ATP10B: variants seen among roughly 807,000 people sequenced by gnomAD.
ATP10B encodes ATPase phospholipid transporting 10B (putative), also known as phospholipid-transporting ATPase VB.
Under a neutral mutation model 141.2 loss-of-function variants are expected in ATP10B, and 122 were observed. That is an observed-to-expected ratio of 0.86 (90% CI 0.75 to 1.00). The LOEUF (loss-of-function observed/expected upper bound fraction) is 1.00, where lower values mean the gene tolerates loss of function less well. ATP10B is among the 50% of genes least tolerant of loss of function. The probability of loss-of-function intolerance (pLI) is 0.00; values close to 1 mark genes in which losing one functional copy is unlikely to be tolerated. For missense variants in ATP10B, 1,876 were observed against 1,825.3 expected (o/e 1.03, Z -0.51); for synonymous variants, 685 against 692.0 (o/e 0.99, Z 0.16).
intron 1 of ATP10B, among the ~76,000 whole-genome samples, chr5:160,822,341 T>G (rs1774172871): frequency 6.6e-6 from 1 of 152,020 alleles, no homozygotes; most frequent in Admixed American, 6.6e-5. Flanking sequence ...TAAAATGGCT[T>G]TTAACCAAAA....
chr5:160,815,796 A>G (rs1167118026), intron 1 of ATP10B, among the ~76,000 whole-genome samples: 3 of 152,218 alleles, frequency 2.0e-5, no homozygotes, highest in Admixed American at 6.5e-5. Context: ...AAAGAACAGA[A>G]ATTATAACAA....
the ATP10B span, among the ~76,000 whole-genome samples, chr5:160,880,201 T>C: frequency 8.9e-6 from 1 of 112,412 alleles, no homozygotes; most frequent in Non-Finnish European, 1.9e-5. Flanking sequence ...TATATATAGA[T>C]TATATAATAT....
At chr5:160,715,950 C>T (rs542641715) in intron 3 of ATP10B, among the ~76,000 whole-genome samples, 18 of 152,154 alleles carry the variant, frequency 1.2e-4, no homozygotes, top group African/African-American at 4.3e-4. Flanking sequence ...ACCTCGTGAT[C>T]CACTCTCCTG....
At chr5:160,637,041 A>C (rs111207989) in intron 10 of ATP10B, among the ~76,000 whole-genome samples, 38,050 of 52,414 alleles carry the variant, frequency 0.73, 13,897 homozygotes, top group African/African-American at 0.77. Context: ...TCCATCCATG[A>C]ATCCATCCAT....
chr5:160,909,080 G>A, the ATP10B span, among the ~76,000 whole-genome samples: 4 of 152,120 alleles, frequency 2.6e-5, no homozygotes, highest in Admixed American at 2.6e-4. Context: ...ACCTTAAGTG[G>A]CCTATGATTT....
chr5:160,889,364 C>T, the ATP10B span, among the ~76,000 whole-genome samples: 1 of 152,280 alleles, frequency 6.6e-6, no homozygotes, highest in East Asian at 1.9e-4. Flanking sequence ...TGCAAAAGAA[C>T]CAGCTGTTGT....
intron 14 of ATP10B, among the ~76,000 whole-genome samples, chr5:160,621,821 C>G (rs1427888116): frequency 2.0e-5 from 3 of 152,180 alleles, no homozygotes; most frequent in Non-Finnish European, 1.5e-5. Context: ...ACATACATGA[C>G]CATTCAGCTG....
At chr5:160,604,756 C>T (rs1007158283) in intron 19 of ATP10B, among the ~76,000 whole-genome samples, 2 of 152,174 alleles carry the variant, frequency 1.3e-5, no homozygotes, top group Non-Finnish European at 1.5e-5. Flanking sequence ...TATACCAAGA[C>T]TGTTCAAGAT....
intron 2 of ATP10B, among the ~76,000 whole-genome samples, chr5:160,740,462 G>A (rs540891441): frequency 6.6e-6 from 1 of 152,220 alleles, no homozygotes; most frequent in South Asian, 2.1e-4. Flanking sequence ...CCAAATGTGG[G>A]GTTAGCTTGC....
rs1757425382 is a variant in ATP10B, at chr5:160,606,900, C to T, written c.3025G>A (p.Gly1009Arg). The T allele has an allele frequency of 1.2e-6, 2 of 1,614,040 alleles. No homozygotes were observed. Among genetic ancestry groups the T allele is most frequent in the Non-Finnish European group, 8.5e-7 (1 of 1,180,014 alleles). ...TCCAGAAACTTCTTCTCTAGCTTTCCCTGGAAGATGGCATTCAATGTCTTC... is the reference window on the plus strand; with the variant it reads ...TCCAGAAACTTCTTCTCTAGCTTTCTCTGGAAGATGGCATTCAATGTCTTC... The part of the protein sequence containing the change: ...DGKTLNAIFQ[G>R]KLEKKFLELT... The change falls in exon 19 of 26, where the codon GGA (glycine) becomes AGA (arginine). Residue 1009 changes from glycine to arginine, a missense_variant. Physicochemically the swap from Gly to Arg is moderately radical, Grantham distance 125 (BLOSUM62 -2). Coordinates refer to ENST00000327245, the MANE Select transcript of ATP10B (RefSeq NM_025153.3).
At chr5:160,803,507 C>T (rs1455287661) in intron 1 of ATP10B, among the ~76,000 whole-genome samples, 1 of 152,006 alleles carries the variant, frequency 6.6e-6, no homozygotes, top group Non-Finnish European at 1.5e-5. Flanking sequence ...GAAACCCCGT[C>T]CCTACTAAAA....
chr5:160,611,632 TAA>T (rs1046089372), intron 18 of ATP10B, among the ~76,000 whole-genome samples: 13 of 152,186 alleles, frequency 8.5e-5, no homozygotes, highest in African/African-American at 3.1e-4. Flanking sequence ...GTTTTATTTT[TAA>T]AAAAGAGGTG....
chr5:160,832,405 A>G (rs1775152301), intron 1 of ATP10B, among the ~76,000 whole-genome samples: 1 of 152,178 alleles, frequency 6.6e-6, no homozygotes, highest in South Asian at 2.1e-4. Flanking sequence ...TTTTATATGT[A>G]CTAATAGGGA....
At chr5:160,916,819 G>A in the ATP10B span, among the ~76,000 whole-genome samples, 1,221 of 152,288 alleles carry the variant, frequency 8.0e-3, 15 homozygotes, top group African/African-American at 0.028. Flanking sequence ...GGCTGGCACA[G>A]TTTAGAAAGC....
intron 2 of ATP10B, among the ~76,000 whole-genome samples, chr5:160,776,251 GAATT>G (rs1770302481): frequency 6.6e-6 from 1 of 152,156 alleles, no homozygotes. Context: ...AATATTTGAA[GAATT>G]AATGAGGCAG....
rs1754407559 is a variant in ATP10B at position 160,564,140 on chromosome 5, C to T, written c.*1313G>A. 6.6e-6 allele frequency: 1 copy of T among 152,146 alleles called. No homozygotes were observed. The highest frequency in any genetic ancestry group is 1.5e-5 in the Non-Finnish European group (1 of 68,026). The allele number at this position is 152,146 out of a possible 1,614,324, so 9.4% of individuals were successfully genotyped here. On this transcript the variant is annotated 3_prime_UTR_variant, in exon 26 of 26. Transcript: ENST00000327245. ...CTCGTAGGCTCAAAGACTCACCACA[C>T]TTATTGCATCTATTTCTGTACTTTT...
chr5:160,657,998 C>A (rs1273057559), intron 7 of ATP10B, among the ~76,000 whole-genome samples: 1 of 152,120 alleles, frequency 6.6e-6, no homozygotes, highest in Non-Finnish European at 1.5e-5. Context: ...AACTGAAACA[C>A]AAGAAGATGA....
At chr5:160,923,938 C>A in the ATP10B span, among the ~76,000 whole-genome samples, 1 of 152,174 alleles carries the variant, frequency 6.6e-6, no homozygotes, top group Non-Finnish European at 1.5e-5. Context: ...GGGGCTGAGG[C>A]GCCTTGGAGA....
At chr5:160,857,308 G>C in the ATP10B span, among the ~76,000 whole-genome samples, 1 of 151,084 alleles carries the variant, frequency 6.6e-6, no homozygotes, top group Non-Finnish European at 1.5e-5. Context: ...TTTTTTTAAG[G>C]AATTGGTCCA....
Sources: allele counts gnomAD v4.1 joint callset (sites outside exome capture counted in the v4.1 genomes callset), GRCh38; gene constraint gnomAD v4.1.1; transcripts MANE v1.5; gene names NCBI Gene and HGNC (gene_info 2026-07-23, HGNC 2026-07-21).